Variants in SHC4 observed in about 807,000 individuals in gnomAD.
SHC4 encodes the protein SHC-transforming protein 4.
In SHC4, 41 loss-of-function variants were observed where a neutral mutation model predicts 69.4. That is an observed-to-expected ratio of 0.59 (90% CI 0.46 to 0.77). The LOEUF is 0.77. Ranked by LOEUF, SHC4 falls within the 30% of genes least tolerant of loss-of-function variation. SHC4 has a pLI of 0.00. For missense variants in SHC4, 777 were observed against 783.8 expected, an observed-to-expected ratio of 0.99 and a Z score of 0.10; for synonymous variants, 318 against 299.3, an observed-to-expected ratio of 1.06 and a Z score of -0.64.
intron 1 of SHC4, among the ~76,000 whole-genome samples, chr15:48,928,812 T>C (rs1245712670): frequency 1.3e-5 from 2 of 152,142 alleles, no homozygotes; most frequent in African/African-American, 4.8e-5. Context: ...AATATGGCAG[T>C]GACTGTGATC....
intron 1 of SHC4, among the ~76,000 whole-genome samples, chr15:48,927,984 G>A (rs1900886508): frequency 6.6e-6 from 1 of 152,132 alleles, no homozygotes; most frequent in African/African-American, 2.4e-5. Context: ...CCTAGGATCT[G>A]GTGGGCACTC....
chr15:48,917,576 T>C (rs952683763), intron 2 of SHC4, among the ~76,000 whole-genome samples: 1 of 152,220 alleles, frequency 6.6e-6, no homozygotes, highest in African/African-American at 2.4e-5. Flanking sequence ...TATTCTATTA[T>C]TAAAAATGGA....
intron 2 of SHC4, among the ~76,000 whole-genome samples, chr15:48,908,806 G>T (rs1354705310): frequency 6.6e-6 from 1 of 152,158 alleles, no homozygotes. Flanking sequence ...GTTGAAAAGG[G>T]TGTCCTTTCC....
At position 48,834,982 on chromosome 15, in the gene SHC4, A is replaced by AAAGAAT; in HGVS notation, c.1523_1524insATTCTT (p.Pro508_Ala509insPhePhe). The AAAGAAT allele has an allele frequency of 6.2e-7, 1 of 1,613,028 alleles. No individual in the cohort carries two copies. Among genetic ancestry groups the AAAGAAT allele is most frequent in the African/African-American group, 1.3e-5 (1 of 75,056 alleles). On this transcript the variant is annotated inframe_insertion, in exon 11 of 12. Transcript: ENST00000332408. ...TGTGTGGCAAAGAATGTGAGCTGGC[A>AAAGAAT]GGCTGGGCTGTGGCACCCGGCTGAA...
chr15:48,851,841 T>C (rs779113690), intron 8 of SHC4, among the ~76,000 whole-genome samples: 3 of 152,090 alleles, frequency 2.0e-5, no homozygotes, highest in African/African-American at 7.2e-5. Context: ...GGGAATGAGA[T>C]TGGAGTCAGG....
At chr15:48,886,390 C>T (rs1163593566) in intron 3 of SHC4, among the ~76,000 whole-genome samples, 3 of 152,102 alleles carry the variant, frequency 2.0e-5, no homozygotes, top group African/African-American at 7.2e-5. Flanking sequence ...ACCTTAATCT[C>T]GTGAGAAATG....
intron 6 of SHC4, 36 bp from the exon 7 acceptor site, chr15:48,857,851 A>C (rs1461835242): frequency 2.1e-6 from 3 of 1,444,348 alleles, no homozygotes; most frequent in African/African-American, 2.9e-5. Flanking sequence ...TATTATAATA[A>C]ATTTTTAGAA....
intron 9 of SHC4, among the ~76,000 whole-genome samples, chr15:48,844,463 C>G (rs745564404): frequency 6.6e-6 from 1 of 152,094 alleles, no homozygotes; most frequent in Non-Finnish European, 1.5e-5. Context: ...GATCTCACAT[C>G]GAAAGGCTGT....
Position 48,851,908 on chromosome 15 carries a change from T to C in SHC4, c.1243-660A>G, listed in dbSNP as rs1017161102. On this transcript the variant is annotated intron_variant, in intron 8 of 11. Transcript: ENST00000332408. ...AGGACCAGGACTTCGAAAGAGGCAG[T>C]AGAAACGGGAAAGTTTGGATAGACT... Among the ~76,000 whole-genome samples, 7 of 152,296 alleles carry C rather than the reference T, an allele frequency of 4.6e-5. No homozygotes were observed. The South Asian group carries it at 1.2e-3, about 27-fold the overall frequency.
intron 1 of SHC4, among the ~76,000 whole-genome samples, chr15:48,937,291 A>G (rs931844609): frequency 6.6e-6 from 1 of 152,004 alleles, no homozygotes; most frequent in African/African-American, 2.4e-5. Flanking sequence ...CAAACTCCTC[A>G]CTTCAAGTGA....
chr15:48,899,011 T>C (rs559600322), intron 2 of SHC4, among the ~76,000 whole-genome samples: 1 of 142,602 alleles, frequency 7.0e-6, no homozygotes, highest in South Asian at 2.2e-4. Context: ...CACTGATGCA[T>C]AATGTGGTCA....
chr15:48,961,301 C>T (rs1901541931), intron 1 of SHC4, among the ~76,000 whole-genome samples: 1 of 152,214 alleles, frequency 6.6e-6, no homozygotes, highest in Non-Finnish European at 1.5e-5. Flanking sequence ...TTACAATCTC[C>T]TCATTTGGCA....
chr15:48,949,123 G>A (rs1901324938), intron 1 of SHC4, among the ~76,000 whole-genome samples: 1 of 152,098 alleles, frequency 6.6e-6, no homozygotes, highest in Non-Finnish European at 1.5e-5. Flanking sequence ...TGTAATCCCA[G>A]CACTTTGGGA....
chr15:48,841,332 T>C (rs8029015), intron 10 of SHC4, among the ~76,000 whole-genome samples: 6,333 of 152,286 alleles, frequency 0.042, 368 homozygotes, highest in African/African-American at 0.12. Context: ...CATTTCCCAT[T>C]GCACAGTTGA....
intron 9 of SHC4, among the ~76,000 whole-genome samples, chr15:48,848,559 G>A (rs1899142389): frequency 6.6e-6 from 1 of 152,050 alleles, no homozygotes; most frequent in African/African-American, 2.4e-5. Context: ...ATCATGGCTA[G>A]GATTAATTCT....
chr15:48,953,433 T>C (rs1225126498), intron 1 of SHC4, among the ~76,000 whole-genome samples: 2 of 151,994 alleles, frequency 1.3e-5, no homozygotes, highest in Non-Finnish European at 2.9e-5. Context: ...AAACAAACAC[T>C]GTGTAAAGCA....
chr15:48,874,832 T>C (rs1219439293), intron 4 of SHC4, among the ~76,000 whole-genome samples: 1 of 152,250 alleles, frequency 6.6e-6, no homozygotes, highest in African/African-American at 2.4e-5. Flanking sequence ...GTTGTACAGC[T>C]GCAGCTGATG....
intron 10 of SHC4, among the ~76,000 whole-genome samples, chr15:48,839,454 C>T (rs1255297198): frequency 6.6e-6 from 1 of 152,092 alleles, no homozygotes; most frequent in Non-Finnish European, 1.5e-5. Context: ...AGGAACAACC[C>T]AGATGGCATC....
At chr15:48,895,498 CAAA>C (rs1474667495) in intron 2 of SHC4, among the ~76,000 whole-genome samples, 1 of 152,090 alleles carries the variant, frequency 6.6e-6, no homozygotes, top group African/African-American at 2.4e-5. Flanking sequence ...ACTACCCAGG[CAAA>C]AGGACAAAGT....
Sources: gnomAD v4.1 joint callset for allele counts (sites outside exome capture counted in the v4.1 genomes callset) on GRCh38, gnomAD v4.1.1 for gene constraint, MANE v1.5 for transcripts, NCBI Gene and HGNC (gene_info 2026-07-23, HGNC 2026-07-21) for gene names.